Variants in GPHN observed in about 807,000 individuals in gnomAD.
GPHN encodes gephyrin.
In GPHN, 17 loss-of-function variants were observed where a neutral mutation model predicts 95.5. That is an observed-to-expected ratio of 0.18 (90% confidence interval 0.12 to 0.27). The LOEUF (loss-of-function observed/expected upper bound fraction) is 0.27. Among genes scored for constraint, GPHN ranks in the 10% least tolerant of loss-of-function variants. The probability of loss-of-function intolerance (pLI) is 1.00; values close to 1 mark genes in which losing one functional copy is unlikely to be tolerated. For synonymous variants in GPHN, 320 were observed against 322.5 expected (o/e 0.99, Z 0.08); for missense variants, 660 against 978.1 (o/e 0.67, Z 4.34).
the GPHN span, chr14:67,735,132 T>G: frequency 1.2e-6 from 1 of 808,744 alleles, no homozygotes. Context: ...TAGGCATGGG[T>G]GTTGATTCGA....
At chr14:66,987,156 A>G (rs1171904355) in intron 9 of GPHN, among the ~76,000 whole-genome samples, 4 of 152,158 alleles carry the variant, frequency 2.6e-5, no homozygotes, top group Non-Finnish European at 4.4e-5. Flanking sequence ...TCCTGATGAT[A>G]TATCAGTAGC....
At chr14:66,776,342 C>T in intron 2 of GPHN, 122 bp from the exon 3 acceptor site, 1 of 744,106 alleles carries the variant, frequency 1.3e-6, no homozygotes, top group Non-Finnish European at 2.5e-6. Flanking sequence ...TGTTTTTCCT[C>T]CATGGTTGTT....
At chr14:67,273,265 C>A in the GPHN span, among the ~76,000 whole-genome samples, 1 of 151,832 alleles carries the variant, frequency 6.6e-6, no homozygotes, top group Non-Finnish European at 1.5e-5. Flanking sequence ...ATCGCTCCCC[C>A]CTCCCACCTC....
At chr14:67,200,261 A>C in the GPHN span, 1 of 818,150 alleles carries the variant, frequency 1.2e-6, no homozygotes, top group Non-Finnish European at 1.9e-6. Context: ...CTCTCCCTCC[A>C]ACCAGGCCCA....
At chr14:67,725,267 TG>T in the GPHN span, 1 of 1,612,468 alleles carries the variant, frequency 6.2e-7, no homozygotes, top group South Asian at 1.1e-5. Flanking sequence ...GAGGTCCTGA[TG>T]GGTAGGTAGA....
intron 2 of GPHN, among the ~76,000 whole-genome samples, chr14:66,770,561 G>A (rs2059128200): frequency 6.6e-6 from 1 of 152,096 alleles, no homozygotes; most frequent in East Asian, 1.9e-4. Context: ...CTTCTATTGT[G>A]CAATATGTTA....
chr14:67,592,707 A>C, the GPHN span: 5 of 1,594,422 alleles, frequency 3.1e-6, no homozygotes, highest in East Asian at 1.1e-4. Context: ...AGAGGTAGTA[A>C]ATCACCTTCT....
At chr14:67,688,127 C>A in the GPHN span, among the ~76,000 whole-genome samples, 1 of 152,128 alleles carries the variant, frequency 6.6e-6, no homozygotes, top group Non-Finnish European at 1.5e-5. Flanking sequence ...AATCATCCTT[C>A]GGGGCTCAGC....
the GPHN span, among the ~76,000 whole-genome samples, chr14:67,483,719 C>A: frequency 1.3e-5 from 2 of 152,240 alleles, no homozygotes; most frequent in Non-Finnish European, 2.9e-5. Context: ...AACCCAGAGG[C>A]CCCCTGACTG....
chr14:66,911,486 A>T (rs1274304426), intron 5 of GPHN, among the ~76,000 whole-genome samples: 5 of 151,996 alleles, frequency 3.3e-5, no homozygotes, highest in Non-Finnish European at 2.9e-5. Flanking sequence ...ATTCAGGATA[A>T]TAGTTATTTG....
the GPHN span, among the ~76,000 whole-genome samples, chr14:67,396,554 T>A: frequency 1.2e-4 from 12 of 97,696 alleles, no homozygotes; most frequent in African/African-American, 9.1e-4. Context: ...TGGTGAACAT[T>A]CCCCTTTGAC....
intron 1 of GPHN, among the ~76,000 whole-genome samples, chr14:66,517,404 A>G (rs890591565): frequency 6.6e-6 from 1 of 152,220 alleles, no homozygotes; most frequent in Non-Finnish European, 1.5e-5. Context: ...ATGACATTCT[A>G]TACCAATGAC....
At chr14:66,632,998 G>A (rs1269633045) in intron 1 of GPHN, among the ~76,000 whole-genome samples, 1 of 152,128 alleles carries the variant, frequency 6.6e-6, no homozygotes, top group Admixed American at 6.5e-5. Flanking sequence ...CCTTGCTCAG[G>A]CCAGGCCTTC....
chr14:66,881,966 A>T (rs2063950373), intron 5 of GPHN, among the ~76,000 whole-genome samples: 1 of 151,902 alleles, frequency 6.6e-6, no homozygotes, highest in Non-Finnish European at 1.5e-5. Context: ...CATTAGTTAC[A>T]GAAAAGGGGA....
At chr14:66,954,840 G>T (rs1235375832) in intron 8 of GPHN, among the ~76,000 whole-genome samples, 1 of 152,190 alleles carries the variant, frequency 6.6e-6, no homozygotes, top group Non-Finnish European at 1.5e-5. Flanking sequence ...TGCATCAAAT[G>T]TTTGTTCTAC....
At chr14:67,553,386 A>C in the GPHN span, among the ~76,000 whole-genome samples, 22,591 of 151,900 alleles carry the variant, frequency 0.15, 1,990 homozygotes, top group East Asian at 0.3. Context: ...TAAAAAAAAA[A>C]CCCCAAAACC....
chr14:66,689,442 G>A (rs2067625063), intron 2 of GPHN, among the ~76,000 whole-genome samples: 1 of 152,116 alleles, frequency 6.6e-6, no homozygotes, highest in Admixed American at 6.5e-5. Flanking sequence ...ATATGCTGCT[G>A]GATTCTGTTT....
At chr14:67,410,195 T>C in the GPHN span, among the ~76,000 whole-genome samples, 1 of 151,990 alleles carries the variant, frequency 6.6e-6, no homozygotes, top group South Asian at 2.1e-4. Flanking sequence ...CCCTTAGCCC[T>C]CCTCTGACTC....
At chr14:67,064,671 T>C (rs994780122) in intron 11 of GPHN, among the ~76,000 whole-genome samples, 4 of 152,218 alleles carry the variant, frequency 2.6e-5, no homozygotes, top group African/African-American at 9.6e-5. Flanking sequence ...GGAGGGTGTA[T>C]GTGTCCAGGA....
Sources: gnomAD v4.1 joint callset for allele counts (sites outside exome capture counted in the v4.1 genomes callset) on GRCh38, gnomAD v4.1.1 for gene constraint, MANE v1.5 for transcripts, NCBI Gene and HGNC (gene_info 2026-07-23, HGNC 2026-07-21) for gene names.